Variants in GLIS3 observed in about 807,000 individuals in gnomAD.
The protein encoded by GLIS3 is zinc finger protein GLIS3.
In GLIS3, 53 loss-of-function variants were observed where a neutral mutation model predicts 78.6. The ratio of observed to expected loss-of-function variants is 0.67; its 90% confidence interval spans 0.54 to 0.85. The LOEUF is 0.85. Among genes scored for constraint, GLIS3 ranks in the 40% least tolerant of loss-of-function variants. The probability of loss-of-function intolerance (pLI) is 0.00; values close to 1 mark genes in which losing one functional copy is unlikely to be tolerated. For synonymous variants in GLIS3, 684 were observed against 509.9 expected (o/e 1.34, Z -4.60); for missense variants, 1,703 against 1,231.1 (o/e 1.38, Z -5.74).
At chr9:4,141,500 G>A (rs921336400) in intron 2 of GLIS3, among the ~76,000 whole-genome samples, 9 of 152,196 alleles carry the variant, frequency 5.9e-5, no homozygotes, top group Admixed American at 4.6e-4. Flanking sequence ...CTCCTGGAAT[G>A]TTCTGCTCTC....
intron 1 of GLIS3, among the ~76,000 whole-genome samples, chr9:4,295,642 T>C (rs746345330): frequency 3.3e-5 from 5 of 151,890 alleles, no homozygotes. Flanking sequence ...TAGAATGGAG[T>C]GTGAGAGATG....
intron 4 of GLIS3, among the ~76,000 whole-genome samples, chr9:4,021,848 T>G (rs890108496): frequency 5.9e-5 from 9 of 152,186 alleles, no homozygotes; most frequent in African/African-American, 2.2e-4. Flanking sequence ...AATAGTTTTT[T>G]CAGTTTATCG....
At chr9:3,970,274 A>G (rs188058963) in intron 4 of GLIS3, among the ~76,000 whole-genome samples, 84 of 152,354 alleles carry the variant, frequency 5.5e-4, no homozygotes, top group African/African-American at 2.0e-3. Flanking sequence ...GGATTAAAAT[A>G]GTCATAAACA....
At chr9:4,260,303 A>T (rs1825390939) in intron 2 of GLIS3, among the ~76,000 whole-genome samples, 1 of 151,968 alleles carries the variant, frequency 6.6e-6, no homozygotes, top group South Asian at 2.1e-4. Context: ...ACAGTGGCTC[A>T]CACCTGTAAT....
chr9:4,457,356 G>A, the GLIS3 span, among the ~76,000 whole-genome samples: 1 of 147,316 alleles, frequency 6.8e-6, no homozygotes, highest in African/African-American at 2.6e-5. Flanking sequence ...GTGAGACCTT[G>A]TCTCAAAAAA....
At chr9:4,319,162 GA>G (rs1427816917) in intron 2 of GLIS3, among the ~76,000 whole-genome samples, 1 of 152,062 alleles carries the variant, frequency 6.6e-6, no homozygotes, top group Non-Finnish European at 1.5e-5. Flanking sequence ...TTCTGAATGA[GA>G]AAAAAATCAC....
intron 4 of GLIS3, among the ~76,000 whole-genome samples, chr9:4,081,590 CCTCCCAA>C (rs1828555823): frequency 6.6e-6 from 1 of 152,140 alleles, no homozygotes; most frequent in South Asian, 2.1e-4. Context: ...CGTGTAAAGC[CCTCCCAA>C]CTAGTTGGAA....
chr9:4,442,623 C>G, the GLIS3 span, among the ~76,000 whole-genome samples: 1 of 151,540 alleles, frequency 6.6e-6, no homozygotes, highest in Non-Finnish European at 1.5e-5. Context: ...TTTATGCCTC[C>G]TTTTTTCTCC....
At chr9:4,283,995 G>GCA (rs1827776839) in intron 2 of GLIS3, among the ~76,000 whole-genome samples, 1 of 152,198 alleles carries the variant, frequency 6.6e-6, no homozygotes. Context: ...TCAAGAAGCA[G>GCA]CACTACTTCT....
intron 2 of GLIS3, among the ~76,000 whole-genome samples, chr9:4,189,986 G>A (rs893813864): frequency 2.0e-5 from 3 of 151,938 alleles, no homozygotes; most frequent in African/African-American, 7.3e-5. Flanking sequence ...TCTGTTAGAA[G>A]GAAAACCAAC....
At chr9:3,887,194 C>G (rs750146808) in intron 7 of GLIS3, among the ~76,000 whole-genome samples, 8 of 152,056 alleles carry the variant, frequency 5.3e-5, no homozygotes, top group Admixed American at 3.9e-4. Context: ...GATAATGAAA[C>G]AATCCCTTCT....
chr9:4,386,174 A>G, the GLIS3 span, among the ~76,000 whole-genome samples: 1 of 152,326 alleles, frequency 6.6e-6, no homozygotes, highest in East Asian at 1.9e-4. Context: ...GAATAAAAAC[A>G]GAATCTCCTC....
chr9:4,151,220 A>G (rs1305030321), intron 2 of GLIS3, among the ~76,000 whole-genome samples: 1 of 152,216 alleles, frequency 6.6e-6, no homozygotes. Flanking sequence ...CTTTGAGCCT[A>G]GAAGATACAA....
intron 4 of GLIS3, among the ~76,000 whole-genome samples, chr9:4,056,898 CTTT>C (rs34752011): frequency 2.3e-4 from 23 of 98,042 alleles, no homozygotes; most frequent in African/African-American, 6.9e-4. Flanking sequence ...CTTCAAGACA[CTTT>C]TTTTTTTTTT....
chr9:3,869,599 C>T (rs1369821146), intron 8 of GLIS3, among the ~76,000 whole-genome samples: 2 of 152,176 alleles, frequency 1.3e-5, no homozygotes, highest in Admixed American at 6.5e-5. Flanking sequence ...TCCAGAATTA[C>T]GGCTACTGCC....
chr9:4,450,381 C>G, the GLIS3 span, among the ~76,000 whole-genome samples: 21 of 152,074 alleles, frequency 1.4e-4, no homozygotes, highest in African/African-American at 5.1e-4. Context: ...ATTGGTGTAC[C>G]TGAAAGTGAT....
At chr9:4,342,290 G>A (rs1163983543) in intron 2 of GLIS3, among the ~76,000 whole-genome samples, 1 of 152,176 alleles carries the variant, frequency 6.6e-6, no homozygotes. Flanking sequence ...AAGGGATCCA[G>A]GTTCAATCTT....
the GLIS3 span, among the ~76,000 whole-genome samples, chr9:4,369,045 G>A: frequency 6.6e-6 from 1 of 152,126 alleles, no homozygotes; most frequent in South Asian, 2.1e-4. Flanking sequence ...TAAATGTAGA[G>A]AAATAGACTC....
chr9:4,352,597 A>T (rs1817987742), upstream of GLIS3, among the ~76,000 whole-genome samples: 1 of 152,242 alleles, frequency 6.6e-6, no homozygotes, highest in African/African-American at 2.4e-5. Flanking sequence ...CTACTTCTGT[A>T]GAGGGAGGTT....
Sources: gnomAD v4.1 joint callset for allele counts (sites outside exome capture counted in the v4.1 genomes callset) on GRCh38, gnomAD v4.1.1 for gene constraint, MANE v1.5 for transcripts, NCBI Gene and HGNC (gene_info 2026-07-23, HGNC 2026-07-21) for gene names.